The following ERP27 variants were observed in gnomAD, a reference collection of about 807,000 sequenced individuals.
ERP27 encodes the protein endoplasmic reticulum resident protein 27.
ERP27 carries 23 observed loss-of-function variants against 27.7 expected under a neutral mutation model. That is an observed-to-expected ratio of 0.83 (90% CI 0.60 to 1.18). ERP27 has a LOEUF of 1.18. Among genes scored for constraint, ERP27 ranks in the 50% most tolerant of loss-of-function variants. The pLI, the probability that ERP27 is intolerant of heterozygous loss-of-function variation, is 0.00. For synonymous variants in ERP27, 159 were observed against 118.3 expected, an observed-to-expected ratio of 1.34 and a Z score of -2.23; for missense variants, 363 against 327.9, an observed-to-expected ratio of 1.11 and a Z score of -0.83.
intron 3 of ERP27, chr12:14,929,218 G>C (rs1424185787): frequency 8.8e-7 from 1 of 1,130,744 alleles, no homozygotes; most frequent in Non-Finnish European, 1.1e-6. Context: ...AGTTACTCTG[G>C]GTGTTTCTGG....
chr12:14,915,898 C>CCTG, intron 5 of ERP27: 1 of 520,410 alleles, frequency 1.9e-6, no homozygotes, highest in Non-Finnish European at 3.4e-6. Context: ...GGCTATTATC[C>CCTG]TTAGCAAACT....
chr12:14,927,420 G>C (rs887954322), intron 3 of ERP27, among the ~76,000 whole-genome samples: 5 of 151,866 alleles, frequency 3.3e-5, no homozygotes, highest in African/African-American at 1.2e-4. Context: ...CTGTGCTGCA[G>C]CCCTTGAGAG....
intron 3 of ERP27, among the ~76,000 whole-genome samples, chr12:14,929,311 G>A (rs758983286): frequency 2.0e-5 from 3 of 152,142 alleles, no homozygotes; most frequent in Admixed American, 6.5e-5. Flanking sequence ...TTTAATAAAA[G>A]CCACTCTCCT....
At position 14,920,959 on chromosome 12, in the gene ERP27, G is replaced by A; in HGVS notation, c.423C>T (p.Leu141=). ...KLSRFIEINS[L]HMVTEYNPVT... ...CAGGGTTGTACTCTGTCACCATGTGGAGGCTGTTGATCTCAATGAAACGGC... is the reference window on the plus strand; with the variant it reads ...CAGGGTTGTACTCTGTCACCATGTGAAGGCTGTTGATCTCAATGAAACGGC... The change falls in exon 4 of 7, where the codon CTC becomes CTT. Residue 141 remains leucine, a synonymous_variant. Coordinates refer to ENST00000266397, the MANE Select transcript of ERP27 (RefSeq NM_152321.4). The A allele has an allele frequency of 6.2e-7, 1 of 1,614,120 alleles. No homozygotes were observed. Among genetic ancestry groups the A allele is most frequent in the Non-Finnish European group, 8.5e-7 (1 of 1,179,968 alleles).
rs141192581 is a variant in ERP27, at chr12:14,917,502, C to G, written c.451-199G>C. On this transcript the variant is annotated intron_variant, in intron 4 of 6. Transcript: ENST00000266397. ...ACTGTGTAGATCCTTCCTTCCCACC[C>G]TGAATGGGGCAGAACTGAGTAACCA... Among the ~76,000 whole-genome samples, 32 of 137,126 alleles carry G rather than the reference C, an allele frequency of 2.3e-4. No homozygotes were observed. The East Asian group carries it at 6.9e-3, about 29-fold the overall frequency. The allele number at this position is 137,126 out of a possible 152,430, so 90.0% of individuals were successfully genotyped here.
chr12:14,921,121 C>G (rs1282568156), intron 3 of ERP27, 73 bp from the exon 4 acceptor site: 2 of 1,233,810 alleles, frequency 1.6e-6, no homozygotes, highest in Non-Finnish European at 2.4e-6. Context: ...CTTTAGACCC[C>G]CATGTGACAG....
At chr12:14,920,895 G>C (rs1863491421) in intron 4 of ERP27, 37 bp downstream of exon 4, 1 of 1,538,024 alleles carries the variant, frequency 6.5e-7, no homozygotes, top group African/African-American at 1.4e-5. Context: ...CCCCGACTCA[G>C]GGTCTGAAGG....
chr12:14,929,088 T>G, intron 3 of ERP27: 11 of 1,513,690 alleles, frequency 7.3e-6, no homozygotes, highest in Non-Finnish European at 5.3e-6. Flanking sequence ...TAGGAATTCC[T>G]AGGTCTGGTG....
chr12:14,928,976 C>A, intron 3 of ERP27: 1 of 1,535,312 alleles, frequency 6.5e-7, no homozygotes, highest in South Asian at 1.2e-5. Context: ...CTCCTTCATA[C>A]TTAAGGCTTT....
At chr12:14,924,486 A>T (rs1264693869) in intron 3 of ERP27, among the ~76,000 whole-genome samples, 3 of 152,244 alleles carry the variant, frequency 2.0e-5, no homozygotes, top group Admixed American at 6.5e-5. Flanking sequence ...ACTAATTTAC[A>T]TACCCATTAA....
chr12:14,930,959 A>G (rs1365749310), intron 3 of ERP27, among the ~76,000 whole-genome samples: 3 of 152,222 alleles, frequency 2.0e-5, no homozygotes, highest in African/African-American at 7.2e-5. Context: ...TGAAAGAAAA[A>G]AAGTAGGCTT....
rs999698743 is a variant in ERP27 at position 14,937,933 on chromosome 12, T to A, written c.195+19A>T. ...AGAACATTTCTGGCTCTTGGGGGAA[T>A]TGCAAGTAGGGAACTAACCTGGAAG... On this transcript the variant is annotated intron_variant, in intron 2 of 6. Transcript: ENST00000266397. 6.8e-6 allele frequency: 11 copies of A among 1,607,738 alleles called. No homozygotes were observed. Among genetic ancestry groups the A allele is most frequent in the Non-Finnish European group, 9.4e-6 (11 of 1,174,722 alleles).
In ERP27 at chr12:14,915,471, C is replaced by T. The variant is rs1441564135; in HGVS notation, c.774+18G>A. The T allele has an allele frequency of 1.9e-6, 3 of 1,607,882 alleles. No individual in the cohort carries two copies. The highest frequency in any genetic ancestry group is 2.2e-5 in the East Asian group (1 of 44,732). ...ATAGAAAGAAAACAATTTGCTTTACCTGCAGTCTCACACTTACCAACAATT... is the reference window on the plus strand; with the variant it reads ...ATAGAAAGAAAACAATTTGCTTTACTTGCAGTCTCACACTTACCAACAATT... On this transcript the variant is annotated intron_variant, in intron 6 of 6. Coordinates refer to ENST00000266397, the MANE Select transcript of ERP27 (RefSeq NM_152321.4).
intron 3 of ERP27, among the ~76,000 whole-genome samples, chr12:14,930,160 A>T (rs1226232981): frequency 3.3e-5 from 5 of 152,196 alleles, no homozygotes; most frequent in Admixed American, 3.3e-4. Context: ...ATGCACATGT[A>T]TCCTGGAACT....
rs529528967 is a variant in ERP27 at position 14,929,118 on chromosome 12, C to T, written c.333+5738G>A. On this transcript the variant is annotated intron_variant, in intron 3 of 6. Transcript: ENST00000266397. ...CTGGTGCCTGCACCTCAGCTCACAT[C>T]GCTGTGCATGGATCAAGAATCCCCC... 7.4e-6 allele frequency: 11 copies of T among 1,484,940 alleles called. No individual in the cohort carries two copies. In the African/African-American group the frequency reaches 1.4e-4, roughly 19 times the overall value. 92.0% of individuals were successfully genotyped at this position (1,484,940 alleles called of 1,614,324 possible). A position where few individuals can be genotyped will look rare whatever the true frequency, so the allele number is the denominator to read the frequency against.
chr12:14,935,854 G>GA (rs1159350512), intron 2 of ERP27, among the ~76,000 whole-genome samples: 2 of 152,178 alleles, frequency 1.3e-5, no homozygotes, highest in Non-Finnish European at 2.9e-5. Context: ...GAGTAGCTGG[G>GA]ACTACAGGTG....
At chr12:14,928,836 C>T (rs969660803) in intron 3 of ERP27, 4 of 1,134,454 alleles carry the variant, frequency 3.5e-6, no homozygotes, top group Admixed American at 2.0e-5. Flanking sequence ...CTCCTACCAC[C>T]TCCTTCCCCT....
chr12:14,934,737 C>T (rs529563285), intron 3 of ERP27, 119 bp downstream of exon 3: 22 of 1,244,586 alleles, frequency 1.8e-5, no homozygotes, highest in African/African-American at 3.0e-5. Flanking sequence ...CAACAATGTC[C>T]CTGAATTTGG....
rs1356000947 is a variant in ERP27, at chr12:14,914,270, G to A, written c.*465C>T. 1 of 153,962 alleles carries A rather than the reference G, an allele frequency of 6.5e-6. No individual in the cohort carries two copies. Among genetic ancestry groups the A allele is most frequent in the African/African-American group, 2.4e-5 (1 of 41,498 alleles). The allele number at this position is 153,962 out of a possible 1,614,324, so 9.5% of individuals were successfully genotyped here. ...ACATGTGCTTATGAAAGAAGGTAGAGTTTCAACCCTTAGGTAACCTTAAAA... is the reference window on the plus strand; with the variant it reads ...ACATGTGCTTATGAAAGAAGGTAGAATTTCAACCCTTAGGTAACCTTAAAA... On this transcript the variant is annotated 3_prime_UTR_variant, in exon 7 of 7. Transcript: ENST00000266397.
Sources: allele counts gnomAD v4.1 joint callset (sites outside exome capture counted in the v4.1 genomes callset), GRCh38; gene constraint gnomAD v4.1.1; transcripts MANE v1.5; gene names NCBI Gene and HGNC (gene_info 2026-07-23, HGNC 2026-07-21).